Variants in ENPP6 observed in about 807,000 individuals in gnomAD.
ENPP6 encodes ectonucleotide pyrophosphatase/phosphodiesterase 6.
ENPP6 carries 32 observed loss-of-function variants against 42.0 expected under a neutral mutation model. The observed-to-expected ratio is 0.76, with a 90% CI of 0.58 to 1.02. The LOEUF (loss-of-function observed/expected upper bound fraction) is 1.02. ENPP6 is among the 50% of genes least tolerant of loss of function. The pLI, the probability that ENPP6 is intolerant of heterozygous loss-of-function variation, is 0.00. For synonymous variants in ENPP6, 213 were observed against 216.0 expected, an observed-to-expected ratio of 0.99 and a Z score of 0.12; for missense variants, 552 against 566.8, an observed-to-expected ratio of 0.97 and a Z score of 0.27.
At chr4:184,094,803 T>C (rs1193349766) in intron 7 of ENPP6, among the ~76,000 whole-genome samples, 1 of 152,172 alleles carries the variant, frequency 6.6e-6, no homozygotes, top group Non-Finnish European at 1.5e-5. Context: ...AAACGTGGAG[T>C]TCTCCAGGGC....
intron 2 of ENPP6, among the ~76,000 whole-genome samples, chr4:184,139,985 G>C (rs1736794210): frequency 7.5e-6 from 1 of 133,398 alleles, no homozygotes; most frequent in African/African-American, 2.9e-5. Context: ...CAGTGTAAAA[G>C]TGTTCCTATT....
intron 2 of ENPP6, among the ~76,000 whole-genome samples, chr4:184,136,543 A>G (rs1423566798): frequency 6.6e-6 from 1 of 152,052 alleles, no homozygotes; most frequent in Non-Finnish European, 1.5e-5. Flanking sequence ...TCAGTTTGCT[A>G]TCTCTATATT....
rs180698544 is a variant in ENPP6 at position 184,152,994 on chromosome 4, C to T, written c.421+560G>A. Among the ~76,000 whole-genome samples, 228 of 150,916 alleles carry T rather than the reference C, an allele frequency of 1.5e-3. 1 individual carries two copies. The highest frequency in any genetic ancestry group is 0.01 in the Middle Eastern group (3 of 292). ...TCTCCTGTATATCCAACATTTTGCA[C>T]ATGAAAAAAAGCAAGCTATCCTGTG... On this transcript the variant is annotated intron_variant, in intron 2 of 7. Coordinates refer to ENST00000296741, the MANE Select transcript of ENPP6 (RefSeq NM_153343.4).
chr4:184,110,090 C>T (rs1736174430), intron 6 of ENPP6, among the ~76,000 whole-genome samples: 1 of 152,148 alleles, frequency 6.6e-6, no homozygotes, highest in Non-Finnish European at 1.5e-5. Context: ...GACGTGTCCT[C>T]AGACGTGTCA....
At chr4:184,128,470 C>G (rs1243305831) in intron 2 of ENPP6, among the ~76,000 whole-genome samples, 1 of 152,142 alleles carries the variant, frequency 6.6e-6, no homozygotes, top group East Asian at 1.9e-4. Flanking sequence ...CATGAGCCAC[C>G]ATGCCTGGGC....
At chr4:184,177,878 C>T (rs1732470063) in intron 1 of ENPP6, among the ~76,000 whole-genome samples, 1 of 151,382 alleles carries the variant, frequency 6.6e-6, no homozygotes. Context: ...ATGTCAGCAG[C>T]CTCAAAGACT....
At chr4:184,118,781 C>T (rs1274234876) in intron 3 of ENPP6, among the ~76,000 whole-genome samples, 5 of 152,200 alleles carry the variant, frequency 3.3e-5, no homozygotes, top group East Asian at 3.9e-4. Flanking sequence ...TGAGGAGTGA[C>T]GAGTAGTCAT....
chr4:184,186,055 A>G (rs1393297652), intron 1 of ENPP6, among the ~76,000 whole-genome samples: 1 of 152,222 alleles, frequency 6.6e-6, no homozygotes, highest in African/African-American at 2.4e-5. Flanking sequence ...ACAAAAGAGA[A>G]ACCTATATTT....
intron 7 of ENPP6, 100 bp downstream of exon 7, chr4:184,097,145 G>A (rs1735924492): frequency 8.4e-6 from 13 of 1,543,442 alleles, no homozygotes; most frequent in South Asian, 2.4e-5. Context: ...AAGAGGGTCT[G>A]TAAGGAAATC....
At chr4:184,202,506 A>C (rs1393683029) in intron 1 of ENPP6, among the ~76,000 whole-genome samples, 1 of 151,604 alleles carries the variant, frequency 6.6e-6, no homozygotes, top group Non-Finnish European at 1.5e-5. Flanking sequence ...TTTTTGACAC[A>C]CTCTATTCTC....
intron 1 of ENPP6, among the ~76,000 whole-genome samples, chr4:184,169,452 G>A (rs1451167007): frequency 1.3e-5 from 2 of 152,202 alleles, no homozygotes; most frequent in Non-Finnish European, 2.9e-5. Flanking sequence ...CCTGGCTCCT[G>A]CCTCACCCCT....
At chr4:184,129,280 C>CA (rs916212328) in intron 2 of ENPP6, among the ~76,000 whole-genome samples, 57 of 15,036 alleles carry the variant, frequency 3.8e-3, no homozygotes, top group African/African-American at 0.023. Flanking sequence ...TACACAAACA[C>CA]CCCCCCAACA....
chr4:184,158,226 A>G (rs963439342), intron 1 of ENPP6, among the ~76,000 whole-genome samples: 5 of 152,210 alleles, frequency 3.3e-5, no homozygotes, highest in Admixed American at 6.5e-5. Context: ...AAACTCTACT[A>G]ATTACTGTCT....
chr4:184,100,044 C>A (rs1350669314), intron 6 of ENPP6, among the ~76,000 whole-genome samples: 1 of 152,248 alleles, frequency 6.6e-6, no homozygotes. Flanking sequence ...AATAAACACA[C>A]AAAGCAGTGA....
intron 1 of ENPP6, among the ~76,000 whole-genome samples, chr4:184,167,486 G>A (rs1232712545): frequency 2.0e-5 from 3 of 152,152 alleles, no homozygotes; most frequent in East Asian, 1.9e-4. Context: ...TTTTAATGCC[G>A]GGAATTGATA....
At chr4:184,202,541 T>C (rs1222877706) in intron 1 of ENPP6, among the ~76,000 whole-genome samples, 1 of 152,226 alleles carries the variant, frequency 6.6e-6, no homozygotes, top group Non-Finnish European at 1.5e-5. Context: ...CACACCCAGA[T>C]GGCAAATGGG....
chr4:184,205,862 G>A (rs1046839972), intron 1 of ENPP6, among the ~76,000 whole-genome samples: 7 of 152,194 alleles, frequency 4.6e-5, no homozygotes, highest in Admixed American at 6.5e-5. Context: ...AGGAACCAAG[G>A]GAAAGGATGA....
In ENPP6 at chr4:184,164,701, G is replaced by A. The variant is rs76043886; in HGVS notation, c.242-10968C>T. Among the ~76,000 whole-genome samples, 30 of 152,296 alleles carry A rather than the reference G, an allele frequency of 2.0e-4. No homozygotes were observed. In the East Asian group the frequency reaches 4.8e-3, roughly 24 times the overall value. On this transcript the variant is annotated intron_variant, in intron 1 of 7. Transcript: ENST00000296741. ...AAGCCACCCAAACTTGTGGTACTTC[G>A]TTACAGCAGGCCTAGGAAAGGAATT...
At chr4:184,131,179 TTC>T (rs763881677) in intron 2 of ENPP6, among the ~76,000 whole-genome samples, 735 of 62,346 alleles carry the variant, frequency 0.012, 29 homozygotes, top group Admixed American at 0.062. Context: ...CTTTCTTTCT[TTC>T]TTTCTTTCTT....
Sources: gnomAD v4.1 joint callset for allele counts (sites outside exome capture counted in the v4.1 genomes callset) on GRCh38, gnomAD v4.1.1 for gene constraint, MANE v1.5 for transcripts, NCBI Gene and HGNC (gene_info 2026-07-23, HGNC 2026-07-21) for gene names.